Variants in GOSR1 observed in about 807,000 individuals in gnomAD.
GOSR1 encodes the protein 28 kDa Golgi SNARE protein.
GOSR1 carries 21 observed loss-of-function variants against 35.5 expected under a neutral mutation model. The observed-to-expected ratio is 0.59, with a 90% CI of 0.42 to 0.85. The LOEUF is 0.85. GOSR1 is among the 40% of genes least tolerant of loss of function. The pLI is 0.00. For synonymous variants in GOSR1, 94 were observed against 106.6 expected (o/e 0.88, Z 0.73); for missense variants, 285 against 309.6 (o/e 0.92, Z 0.60).
At chr17:30,497,809 C>T (rs1251744249) in intron 6 of GOSR1, among the ~76,000 whole-genome samples, 1 of 152,152 alleles carries the variant, frequency 6.6e-6, no homozygotes, top group Non-Finnish European at 1.5e-5. Context: ...CTGTAATTCC[C>T]GCGCTTTAGG....
At position 30,524,286 on chromosome 17, in the gene GOSR1, T is replaced by A. The variant is rs1968144027; in HGVS notation, c.*1908T>A. ...TCATAATGAGAAATCACAAGTTCTT[T>A]CTTGATGATCTGTGCTATAGATTTC... On this transcript the variant is annotated 3_prime_UTR_variant, in exon 9 of 9. Transcript: ENST00000451249. 6.6e-6 allele frequency: 1 copy of A among 152,260 alleles called. No individual in the cohort carries two copies. The highest frequency in any genetic ancestry group is 2.1e-4 in the South Asian group (1 of 4,834). 9.4% of individuals were successfully genotyped at this position (152,260 alleles called of 1,614,324 possible).
chr17:30,500,567 TTGTTC>T (rs1039903019), intron 6 of GOSR1, among the ~76,000 whole-genome samples: 4 of 152,206 alleles, frequency 2.6e-5, no homozygotes, highest in Non-Finnish European at 5.9e-5. Context: ...TTTCTGAACT[TTGTTC>T]TGTTCTGTTG....
intron 7 of GOSR1, among the ~76,000 whole-genome samples, chr17:30,512,591 G>C (rs11869000): frequency 2.6e-4 from 39 of 152,234 alleles, no homozygotes; most frequent in African/African-American, 8.7e-4. Context: ...AGCCATGATT[G>C]TGTCTTGAAT....
At chr17:30,508,708 G>C (rs1886184758) in intron 6 of GOSR1, among the ~76,000 whole-genome samples, 1 of 152,202 alleles carries the variant, frequency 6.6e-6, no homozygotes, top group Non-Finnish European at 1.5e-5. Context: ...ACAATGTGTA[G>C]TTATTGAGAA....
At position 30,522,671 on chromosome 17, in the gene GOSR1, GT is replaced by G; in HGVS notation, c.*294del. 4.8e-6 allele frequency: 1 copy of G among 208,132 alleles called. No homozygotes were observed. The allele number at this position is 208,132 out of a possible 1,614,324, so 12.9% of individuals were successfully genotyped here. ...AAACCAATCAAAAACAGAGTTTTCT[GT>G]GTTTCCATGATAGTGTTGAAGCCTA... On this transcript the variant is annotated 3_prime_UTR_variant, in exon 9 of 9. Transcript: ENST00000451249.
At chr17:30,484,415 T>C (rs1567897300) in intron 3 of GOSR1, 114 bp downstream of exon 3, 1 of 748,704 alleles carries the variant, frequency 1.3e-6, no homozygotes, top group Non-Finnish European at 2.5e-6. Context: ...CCATTCAATA[T>C]GTGTACCTCC....
chr17:30,523,014 G>C lies in GOSR1; in HGVS notation c.*636G>C, dbSNP rs1422958143. The C allele has an allele frequency of 4.8e-6, 1 of 206,322 alleles. No homozygotes were observed. The highest frequency in any genetic ancestry group is 9.6e-6 in the Non-Finnish European group (1 of 104,338). The allele number at this position is 206,322 out of a possible 1,614,324, so 12.8% of individuals were successfully genotyped here. ...CTCCCGAGGTGCCGGGATTGCAGAC[G>C]GAGTCTCGTTCACTCAGTGCTCAAT... On this transcript the variant is annotated 3_prime_UTR_variant, in exon 9 of 9. Coordinates refer to ENST00000451249, the MANE Select transcript of GOSR1 (RefSeq NM_001007025.2).
At chr17:30,485,094 G>T in intron 4 of GOSR1, 1 of 376,904 alleles carries the variant, frequency 2.7e-6, no homozygotes, top group Non-Finnish European at 5.1e-6. Flanking sequence ...ATAACGTGGT[G>T]GGTAAGCGTG....
chr17:30,477,978 T>A (rs4795554), intron 1 of GOSR1: 1 of 972,902 alleles, frequency 1.0e-6, no homozygotes, highest in Non-Finnish European at 1.2e-6. Flanking sequence ...TTATTGGGTC[T>A]CCATGACAAC....
At chr17:30,490,101 G>A in intron 4 of GOSR1, 25 bp from the exon 5 acceptor site, 3 of 1,025,412 alleles carry the variant, frequency 2.9e-6, no homozygotes, top group Non-Finnish European at 4.7e-6. Context: ...AGCTTCTGTT[G>A]AGACTGGATG....
chr17:30,488,164 C>CTT (rs1165032726), intron 4 of GOSR1, among the ~76,000 whole-genome samples: 1,266 of 116,912 alleles, frequency 0.011, 48 homozygotes, highest in African/African-American at 0.035. Context: ...TTTAAATATA[C>CTT]TTTTTTTTTT....
At chr17:30,500,461 T>C (rs1967160260) in intron 6 of GOSR1, among the ~76,000 whole-genome samples, 1 of 152,190 alleles carries the variant, frequency 6.6e-6, no homozygotes, top group African/African-American at 2.4e-5. Context: ...TTCCATTGTT[T>C]CAGTACCATT....
chr17:30,500,783 A>T (rs1199997563), intron 6 of GOSR1, among the ~76,000 whole-genome samples: 1 of 152,242 alleles, frequency 6.6e-6, no homozygotes, highest in East Asian at 1.9e-4. Context: ...ATAAGATTAT[A>T]TTGAATCTAG....
At chr17:30,519,430 C>T (rs1438334454) in intron 7 of GOSR1, among the ~76,000 whole-genome samples, 1 of 152,126 alleles carries the variant, frequency 6.6e-6, no homozygotes, top group Non-Finnish European at 1.5e-5. Context: ...TGCATGCATG[C>T]CTAGTTGGTT....
At chr17:30,478,658 G>C (rs1385126880) in intron 1 of GOSR1, 1 of 149,364 alleles carries the variant, frequency 6.7e-6, no homozygotes. Context: ...CTGCGTTCAA[G>C]CGATTCTCCT....
intron 4 of GOSR1, among the ~76,000 whole-genome samples, chr17:30,485,624 A>G (rs1914633503): frequency 6.6e-6 from 1 of 152,188 alleles, no homozygotes; most frequent in African/African-American, 2.4e-5. Flanking sequence ...TCAGCCTTCC[A>G]AAGTGCTAGA....
chr17:30,524,214 T>TA lies in GOSR1; in HGVS notation c.*1846dup, dbSNP rs984644018. 330 of 150,710 alleles carry TA rather than the reference T, an allele frequency of 2.2e-3. 2 individuals are homozygous for TA. Among genetic ancestry groups the TA allele is most frequent in the Admixed American group, 3.6e-3 (55 of 15,072 alleles). 9.3% of individuals were successfully genotyped at this position (150,710 alleles called of 1,614,324 possible). ...CGAGAAACACCCAAGAATGATCAATTAAAAAAAAAATAATATAATAATAAT... is the reference window on the plus strand; with the variant it reads ...CGAGAAACACCCAAGAATGATCAATTAAAAAAAAAAATAATATAATAATAAT... On this transcript the variant is annotated 3_prime_UTR_variant, in exon 9 of 9. Transcript: ENST00000451249.
At chr17:30,500,929 G>A (rs1465836672) in intron 6 of GOSR1, among the ~76,000 whole-genome samples, 16 of 148,020 alleles carry the variant, frequency 1.1e-4, no homozygotes, top group Non-Finnish European at 1.5e-5. Context: ...CGCCCAGGCT[G>A]GAGTGCAGTG....
chr17:30,515,232 A>G (rs1967757566), intron 7 of GOSR1, among the ~76,000 whole-genome samples: 3 of 151,794 alleles, frequency 2.0e-5, no homozygotes, highest in South Asian at 2.1e-4. Flanking sequence ...GGCTCAAGCA[A>G]TCTTCCCACC....
Sources: gnomAD v4.1 joint callset for allele counts (sites outside exome capture counted in the v4.1 genomes callset) on GRCh38, gnomAD v4.1.1 for gene constraint, MANE v1.5 for transcripts, NCBI Gene and HGNC (gene_info 2026-07-23, HGNC 2026-07-21) for gene names.